Variants in CHMP4C observed in about 807,000 individuals in gnomAD.
CHMP4C encodes the protein SNF7 homolog associated with Alix 3.
In CHMP4C, 28 loss-of-function variants were observed where a neutral mutation model predicts 29.0. That is an observed-to-expected ratio of 0.97 (90% CI 0.72 to 1.32). CHMP4C has a LOEUF of 1.32. Ranked by LOEUF, CHMP4C falls within the 40% of genes most tolerant of loss-of-function variation. The pLI is 0.00. For missense variants in CHMP4C, 291 were observed against 281.0 expected (o/e 1.04, Z -0.25); for synonymous variants, 106 against 102.4 (o/e 1.04, Z -0.21).
intron 1 of CHMP4C, among the ~76,000 whole-genome samples, chr8:81,743,919 T>C (rs1236884873): frequency 6.6e-6 from 1 of 152,212 alleles, no homozygotes; most frequent in African/African-American, 2.4e-5. Context: ...TTTTATACTT[T>C]ATAGTATTAA....
intron 1 of CHMP4C, 103 bp from the exon 2 acceptor site, chr8:81,752,961 C>T (rs1808925431): frequency 3.3e-6 from 3 of 911,146 alleles, no homozygotes; most frequent in Non-Finnish European, 4.8e-6. Flanking sequence ...ACTCGTTGTC[C>T]TTAGTTATCA....
At position 81,732,622 on chromosome 8, in the gene CHMP4C, C is replaced by G; in HGVS notation, c.-5C>G. ...GGGATCGCTGGCCCTCCGAACTCCA[C>G]AGCAATGAGCAAGTTGGGCAAGTTC... is the stretch of plus-strand genomic sequence containing the variant. On this transcript the variant is annotated 5_prime_UTR_variant, in exon 1 of 5. Transcript: ENST00000297265. 1 of 1,544,372 alleles carries G rather than the reference C, an allele frequency of 6.5e-7. No homozygotes were observed. Among genetic ancestry groups the G allele is most frequent in the Non-Finnish European group, 8.7e-7 (1 of 1,144,522 alleles).
At chr8:81,732,845 A>T in intron 1 of CHMP4C, 29 bp downstream of exon 1, 1 of 1,594,988 alleles carries the variant, frequency 6.3e-7, no homozygotes. Context: ...CACAGGCGGG[A>T]GCCCATCTGC....
rs766285796 is a variant in CHMP4C, at chr8:81,758,292, G to C, written c.634G>C (p.Ala212Pro). Residue 212 changes from alanine (A) to proline (P), a missense_variant, in exon 4 of 5, where the codon GCA (alanine) becomes CCA (proline). By Grantham distance (27) the Ala-to-Pro change is conservative. Transcript: ENST00000297265. ...GTCGTCCACTGCACGTCGATCCCGA[G>C]CAGGTCTGTTACCCAGCTCAACTAC... ...GMSSTARRSR[A>P]ASSQRAEEED... is the part of the protein sequence containing the mutation. The C allele has an allele frequency of 3.7e-6, 6 of 1,613,982 alleles. No homozygotes were observed. The South Asian group carries it at 6.6e-5, about 18-fold the overall frequency.
chr8:81,737,236 A>G (rs1808703253), intron 1 of CHMP4C, among the ~76,000 whole-genome samples: 1 of 151,898 alleles, frequency 6.6e-6, no homozygotes, highest in African/African-American at 2.4e-5. Flanking sequence ...CATGGGGCCC[A>G]CCCCCATTTA....
intron 1 of CHMP4C, among the ~76,000 whole-genome samples, chr8:81,736,023 T>G (rs1013635980): frequency 1.3e-5 from 2 of 151,064 alleles, no homozygotes; most frequent in South Asian, 4.2e-4. Flanking sequence ...GAGGTGGAGG[T>G]TGCAGTGAGC....
chr8:81,735,751 G>A (rs1034160233), intron 1 of CHMP4C, among the ~76,000 whole-genome samples: 1 of 152,136 alleles, frequency 6.6e-6, no homozygotes, highest in Admixed American at 6.6e-5. Context: ...GTCAAAATGA[G>A]TTTTACTGGT....
chr8:81,752,702 G>A (rs564219855), intron 1 of CHMP4C, among the ~76,000 whole-genome samples: 19 of 152,144 alleles, frequency 1.2e-4, no homozygotes, highest in African/African-American at 1.9e-4. Context: ...AGGTCTTTAC[G>A]TTCTCTAATG....
At position 81,759,365 on chromosome 8, in the gene CHMP4C, C is replaced by T. The variant is rs1452503593; in HGVS notation, c.*821C>T. The T allele has an allele frequency of 6.6e-6, 1 of 152,334 alleles. No individual in the cohort carries two copies. The highest frequency in any genetic ancestry group is 2.4e-5 in the African/African-American group (1 of 41,446). The allele number at this position is 152,334 out of a possible 1,614,324, so 9.4% of individuals were successfully genotyped here. A position where few individuals can be genotyped will look rare whatever the true frequency, so the allele number is the denominator to read the frequency against. ...GGGAACTGCGTGAACACTCCCAGGC[C>T]ATTATGATGCTGTTACAGCTTCAGT... On this transcript the variant is annotated 3_prime_UTR_variant, in exon 5 of 5. Coordinates refer to ENST00000297265, the MANE Select transcript of CHMP4C (RefSeq NM_152284.4).
chr8:81,743,215 T>C (rs1456317768), intron 1 of CHMP4C, among the ~76,000 whole-genome samples: 3 of 151,194 alleles, frequency 2.0e-5, no homozygotes, highest in African/African-American at 7.3e-5. Context: ...GGAATACTTT[T>C]TTACAAGTAG....
intron 1 of CHMP4C, among the ~76,000 whole-genome samples, chr8:81,740,938 T>G (rs537675768): frequency 5.9e-5 from 9 of 152,294 alleles, no homozygotes; most frequent in African/African-American, 1.9e-4. Context: ...CTTGAGTCAG[T>G]ATCCAGCAAC....
At chr8:81,752,274 A>G (rs1336112317) in intron 1 of CHMP4C, among the ~76,000 whole-genome samples, 1 of 152,096 alleles carries the variant, frequency 6.6e-6, no homozygotes. Context: ...CTCTCTCCCT[A>G]AATGCATTAT....
At chr8:81,735,655 T>C (rs983240513) in intron 1 of CHMP4C, among the ~76,000 whole-genome samples, 1 of 152,198 alleles carries the variant, frequency 6.6e-6, no homozygotes, top group African/African-American at 2.4e-5. Flanking sequence ...TAGCATTATA[T>C]CAGAAAAGGC....
rs1162892245 is a variant in CHMP4C, at chr8:81,758,837, C to T, written c.*293C>T. The T allele has an allele frequency of 8.0e-6, 2 of 251,130 alleles. No homozygotes were observed. Among genetic ancestry groups the T allele is most frequent in the African/African-American group, 4.5e-5 (2 of 44,174 alleles). 15.6% of individuals were successfully genotyped at this position (251,130 alleles called of 1,614,324 possible). A position where few individuals can be genotyped will look rare whatever the true frequency, so the allele number is the denominator to read the frequency against. On this transcript the variant is annotated 3_prime_UTR_variant, in exon 5 of 5. Coordinates refer to ENST00000297265, the MANE Select transcript of CHMP4C (RefSeq NM_152284.4). ...CCAACATGAAGAAACCCTGTCTGTA[C>T]TAAAAATACAAAAATTAGCCGGACA... is the stretch of plus-strand genomic sequence containing the variant.
At chr8:81,744,045 C>T (rs889176179) in intron 1 of CHMP4C, among the ~76,000 whole-genome samples, 12 of 152,136 alleles carry the variant, frequency 7.9e-5, no homozygotes, top group Middle Eastern at 3.2e-3. Context: ...AATCTCATTC[C>T]TTTTTACTGC....
At chr8:81,750,008 G>C in intron 1 of CHMP4C, among the ~76,000 whole-genome samples, 1 of 152,128 alleles carries the variant, frequency 6.6e-6, no homozygotes, top group East Asian at 1.9e-4. Context: ...TGTTCAAGAG[G>C]AAGCAGAGCA....
chr8:81,741,470 A>G (rs892468869), intron 1 of CHMP4C, among the ~76,000 whole-genome samples: 3 of 152,148 alleles, frequency 2.0e-5, no homozygotes, highest in Admixed American at 2.0e-4. Flanking sequence ...CTACTAGTTT[A>G]TTTCTCAGTA....
chr8:81,743,141 C>A (rs974026474), intron 1 of CHMP4C, among the ~76,000 whole-genome samples: 5 of 151,892 alleles, frequency 3.3e-5, no homozygotes, highest in Non-Finnish European at 1.5e-5. Context: ...TTGAACTTCA[C>A]GTGTTAGAGC....
In CHMP4C at chr8:81,732,474, T is replaced by A; in HGVS notation, c.-153T>A. 1 of 543,824 alleles carries A rather than the reference T, an allele frequency of 1.8e-6. No homozygotes were observed. Among genetic ancestry groups the A allele is most frequent in the Non-Finnish European group, 3.3e-6 (1 of 305,538 alleles). 33.7% of individuals were successfully genotyped at this position (543,824 alleles called of 1,614,324 possible). A position where few individuals can be genotyped will look rare whatever the true frequency, so the allele number is the denominator to read the frequency against. The stretch of plus-strand genomic sequence containing the variant: ...GCCAGGAAATGCCCTGGAGTGTGTG[T>A]CACCTGTCCAGGACGACTTGTTGAT... On this transcript the variant is annotated 5_prime_UTR_variant, in exon 1 of 5. It introduces an in-frame stop codon into an upstream open reading frame of the 5' UTR. Transcript: ENST00000297265.
Sources: gnomAD v4.1 joint callset for allele counts (sites outside exome capture counted in the v4.1 genomes callset) on GRCh38, gnomAD v4.1.1 for gene constraint, MANE v1.5 for transcripts, NCBI Gene and HGNC (gene_info 2026-07-23, HGNC 2026-07-21) for gene names.